The following CCDC171 variants were observed in gnomAD, a reference collection of about 807,000 sequenced individuals.
CCDC171 encodes the protein coiled-coil domain-containing protein 171.
A neutral mutation model predicts 168.2 loss-of-function variants in CCDC171; 177 were observed. The observed-to-expected ratio is 1.05, with a 90% confidence interval of 0.93 to 1.19. The LOEUF (loss-of-function observed/expected upper bound fraction) is 1.19, where lower values mean the gene tolerates loss of function less well. Among genes scored for constraint, CCDC171 ranks in the 50% most tolerant of loss-of-function variants. CCDC171 has a pLI of 0.00. For synonymous variants in CCDC171, 687 were observed against 540.8 expected, an observed-to-expected ratio of 1.27 and a Z score of -3.75; for missense variants, 1,991 against 1,539.0, an observed-to-expected ratio of 1.29 and a Z score of -4.91.
At chr9:15,636,611 T>C (rs901705579) in intron 7 of CCDC171, among the ~76,000 whole-genome samples, 2 of 151,472 alleles carry the variant, frequency 1.3e-5, no homozygotes, top group Non-Finnish European at 2.9e-5. Flanking sequence ...TAGCCAAACA[T>C]GGTGAAATGT....
At chr9:16,092,693 C>T in the CCDC171 span, among the ~76,000 whole-genome samples, 3 of 152,226 alleles carry the variant, frequency 2.0e-5, no homozygotes, top group Non-Finnish European at 4.4e-5. Flanking sequence ...TGAGGCAGAT[C>T]TGAGGAGCTC....
At chr9:16,048,543 T>A (rs903662248) in intron 1 of CCDC171, among the ~76,000 whole-genome samples, 1 of 152,210 alleles carries the variant, frequency 6.6e-6, no homozygotes, top group Non-Finnish European at 1.5e-5. Context: ...CCCTTATCTT[T>A]TAGAGATTAA....
Position 15,728,014 on chromosome 9 carries a change from A to C in CCDC171, c.1838A>C (p.Asp613Ala). 1 of 1,612,624 alleles carries C rather than the reference A, an allele frequency of 6.2e-7. No individual in the cohort carries two copies. Among genetic ancestry groups the C allele is most frequent in the Non-Finnish European group, 8.5e-7 (1 of 1,179,206 alleles). Residue 613 changes from aspartate to alanine, a missense_variant, in exon 15 of 26, where the codon GAC becomes GCC. Asp to Ala is a moderately radical substitution (Grantham distance 126). Coordinates refer to ENST00000380701, the MANE Select transcript of CCDC171 (RefSeq NM_173550.4). ...LQENVDALIA[D>A]LNRANEKIRH... ...GAGAATGTTGATGCCCTGATTGCAG[A>C]CCTCAACAGGGCTAATGAGAAGGTA...
In CCDC171 at chr9:15,714,674, A is replaced by C. The variant is rs567983584; in HGVS notation, c.1319-7095A>C. 7.2e-5 allele frequency among the ~76,000 whole-genome samples: 11 copies of C among 152,228 alleles called. No individual in the cohort carries two copies. The South Asian group carries it at 2.3e-3, about 32-fold the overall frequency. On this transcript the variant is annotated intron_variant, in intron 11 of 25. Coordinates refer to ENST00000380701, the MANE Select transcript of CCDC171 (RefSeq NM_173550.4). ...AGGAAGATTTACGGTATTTTTTGGC[A>C]CTATGTCAGGATTGCTAACAGAGAC... is the stretch of plus-strand genomic sequence containing the variant.
intron 24 of CCDC171, among the ~76,000 whole-genome samples, chr9:15,912,812 T>C (rs1823902761): frequency 1.3e-5 from 2 of 152,020 alleles, no homozygotes; most frequent in Admixed American, 1.3e-4. Flanking sequence ...GTTTTTGTCA[T>C]TGGTTTTGTT....
chr9:15,628,014 A>C (rs559944827), intron 7 of CCDC171, among the ~76,000 whole-genome samples: 4 of 152,042 alleles, frequency 2.6e-5, no homozygotes, highest in Non-Finnish European at 5.9e-5. Context: ...GTAGGGTGAT[A>C]AGGAAATGTT....
chr9:15,925,462 A>G lies in CCDC171; in HGVS notation c.3753+5040A>G, dbSNP rs544972782. On this transcript the variant is annotated intron_variant, in intron 25 of 25. Coordinates refer to ENST00000380701, the MANE Select transcript of CCDC171 (RefSeq NM_173550.4). Reference sequence around the variant, plus strand: ...GTCTAATATAAGAATGGTCTGGAGAAAAGGGCAGAGGTCAGACTTTGTTCT... The same window carrying G: ...GTCTAATATAAGAATGGTCTGGAGAGAAGGGCAGAGGTCAGACTTTGTTCT... Among the ~76,000 whole-genome samples, 7 of 150,466 alleles carry G rather than the reference A, an allele frequency of 4.7e-5. No homozygotes were observed. The South Asian group carries it at 1.5e-3, about 31-fold the overall frequency.
intron 25 of CCDC171, among the ~76,000 whole-genome samples, chr9:15,952,456 G>A (rs530668055): frequency 6.6e-6 from 1 of 152,204 alleles, no homozygotes. Flanking sequence ...GGAGTACAAT[G>A]GCGTGATCTC....
chr9:15,959,490 C>T (rs1156593693), intron 25 of CCDC171, among the ~76,000 whole-genome samples: 2 of 151,772 alleles, frequency 1.3e-5, no homozygotes, highest in Non-Finnish European at 2.9e-5. Context: ...GACTTGTTTA[C>T]AAAAATAAAA....
At chr9:15,651,245 A>T (rs887014998) in intron 7 of CCDC171, among the ~76,000 whole-genome samples, 9 of 151,656 alleles carry the variant, frequency 5.9e-5, no homozygotes, top group African/African-American at 2.2e-4. Context: ...AGTAGCTGGG[A>T]TTACAGGTGC....
At chr9:15,633,638 T>C (rs2045943486) in intron 7 of CCDC171, among the ~76,000 whole-genome samples, 1 of 152,174 alleles carries the variant, frequency 6.6e-6, no homozygotes, top group African/African-American at 2.4e-5. Context: ...AATCTAGTAC[T>C]AGAAATACCA....
chr9:15,852,307 G>T (rs1227672962), intron 23 of CCDC171, among the ~76,000 whole-genome samples: 1 of 151,672 alleles, frequency 6.6e-6, no homozygotes, highest in Non-Finnish European at 1.5e-5. Flanking sequence ...CTATGGTTTT[G>T]ATTTGTATTT....
chr9:16,073,129 A>T, the CCDC171 span, among the ~76,000 whole-genome samples: 2 of 152,180 alleles, frequency 1.3e-5, no homozygotes, highest in African/African-American at 4.8e-5. Context: ...GGTTGCATAG[A>T]TTGGAACTGA....
At chr9:16,102,435 A>G in the CCDC171 span, among the ~76,000 whole-genome samples, 1 of 131,316 alleles carries the variant, frequency 7.6e-6, no homozygotes, top group Non-Finnish European at 1.5e-5. Context: ...AAAGTTCATT[A>G]TGGATCTGAA....
At chr9:15,759,361 G>A (rs10810442) in intron 18 of CCDC171, among the ~76,000 whole-genome samples, 70,712 of 151,844 alleles carry the variant, frequency 0.47, 17,111 homozygotes, top group East Asian at 0.76. Flanking sequence ...ATATTTTAGT[G>A]TGTATTTCAC....
intron 11 of CCDC171, among the ~76,000 whole-genome samples, chr9:15,697,412 A>T (rs2051298270): frequency 6.6e-6 from 1 of 152,184 alleles, no homozygotes; most frequent in Non-Finnish European, 1.5e-5. Context: ...TCATTAAACT[A>T]TCTTGCTGAT....
At chr9:15,776,701 A>G (rs16933587) in intron 18 of CCDC171, among the ~76,000 whole-genome samples, 3,135 of 152,284 alleles carry the variant, frequency 0.021, 114 homozygotes, top group African/African-American at 0.072. Context: ...CGTCTCAGTC[A>G]ATGTTGCTCT....
intron 7 of CCDC171, among the ~76,000 whole-genome samples, chr9:15,650,368 T>C (rs2047415080): frequency 6.6e-6 from 1 of 152,056 alleles, no homozygotes; most frequent in Non-Finnish European, 1.5e-5. Flanking sequence ...CTTCACGTTG[T>C]GCATATGTAC....
At position 15,972,461 on chromosome 9, in the gene CCDC171, A is replaced by G. The variant is rs984123341; in HGVS notation, c.*625A>G. ...TACATGATACCACTTGCCCATTTGAACAAGTTAAGTTAACTGCTGAATCTG... is the reference window on the plus strand; with the variant it reads ...TACATGATACCACTTGCCCATTTGAGCAAGTTAAGTTAACTGCTGAATCTG... On this transcript the variant is annotated 3_prime_UTR_variant, in exon 26 of 26. Transcript: ENST00000380701. 1 of 152,326 alleles carries G rather than the reference A, an allele frequency of 6.6e-6. No individual in the cohort carries two copies. The highest frequency in any genetic ancestry group is 2.4e-5 in the African/African-American group (1 of 41,464). The allele number at this position is 152,326 out of a possible 1,614,324, so 9.4% of individuals were successfully genotyped here.
Sources: gnomAD v4.1 joint callset for allele counts (sites outside exome capture counted in the v4.1 genomes callset) on GRCh38, gnomAD v4.1.1 for gene constraint, MANE v1.5 for transcripts, NCBI Gene and HGNC (gene_info 2026-07-23, HGNC 2026-07-21) for gene names.